Variants in ASCC2 observed in about 807,000 individuals in gnomAD.
ASCC2 encodes the protein activating signal cointegrator 1 complex subunit 2.
Under a neutral mutation model 93.5 loss-of-function variants are expected in ASCC2, and 42 were observed. That is an observed-to-expected ratio of 0.45 (90% CI 0.35 to 0.58). ASCC2 has a LOEUF of 0.58. Among genes scored for constraint, ASCC2 ranks in the 20% least tolerant of loss-of-function variants. The probability of loss-of-function intolerance (pLI) is 0.00; values close to 1 mark genes in which losing one functional copy is unlikely to be tolerated. For missense variants in ASCC2, 859 were observed against 977.6 expected (o/e 0.88, Z 1.62); for synonymous variants, 364 against 384.2 (o/e 0.95, Z 0.62).
In ASCC2 at chr22:29,793,374, CTCG is replaced by C. The variant is rs2058022164; in HGVS notation, c.1902_1904del (p.Asp634del). 1.9e-6 allele frequency: 3 copies of C among 1,613,706 alleles called. No individual in the cohort carries two copies. Among genetic ancestry groups the C allele is most frequent in the Non-Finnish European group, 2.5e-6 (3 of 1,180,026 alleles). On this transcript the variant is annotated inframe_deletion, in exon 17 of 20. Transcript: ENST00000307790. ...TATGGCCTCACCTGCGGCTGATGAGCTCGTCATCAGAGTCTGCATCATTGGCGC... is the reference window on the plus strand; with the variant it reads ...TATGGCCTCACCTGCGGCTGATGAGCTCATCAGAGTCTGCATCATTGGCGC...
At chr22:29,813,574 C>T (rs1490365006) in intron 7 of ASCC2, 32 bp from the exon 8 acceptor site, 7 of 1,394,372 alleles carry the variant, frequency 5.0e-6, no homozygotes, top group South Asian at 3.5e-5. Flanking sequence ...GCATTATTCT[C>T]CTCTGTCCAC....
intron 2 of ASCC2, among the ~76,000 whole-genome samples, chr22:29,828,368 AT>A (rs912779416): frequency 1.3e-5 from 2 of 152,016 alleles, no homozygotes; most frequent in African/African-American, 2.4e-5. Flanking sequence ...CACAGCCCCT[AT>A]TTTTTTAATC....
At chr22:29,826,570 C>G (rs2148267215) in intron 2 of ASCC2, among the ~76,000 whole-genome samples, 1 of 152,278 alleles carries the variant, frequency 6.6e-6, no homozygotes, top group South Asian at 2.1e-4. Context: ...CTTGGCCTCC[C>G]AAAGTGCTAG....
intron 13 of ASCC2, among the ~76,000 whole-genome samples, chr22:29,803,877 G>A (rs1043549530): frequency 6.6e-6 from 1 of 152,206 alleles, no homozygotes; most frequent in Non-Finnish European, 1.5e-5. Flanking sequence ...TTTGTTAATG[G>A]AGCACTGAAG....
chr22:29,829,743 G>A (rs1433874140), intron 2 of ASCC2, among the ~76,000 whole-genome samples: 4 of 151,968 alleles, frequency 2.6e-5, no homozygotes. Context: ...AGCTGGTCTT[G>A]AACTCCTGGG....
At chr22:29,790,892 C>T (rs1471295714) in intron 18 of ASCC2, among the ~76,000 whole-genome samples, 1 of 152,018 alleles carries the variant, frequency 6.6e-6, no homozygotes, top group Non-Finnish European at 1.5e-5. Flanking sequence ...TGTGCAGGGC[C>T]CTGAAGACTG....
chr22:29,795,879 C>T (rs1028824801), intron 15 of ASCC2, among the ~76,000 whole-genome samples: 1 of 151,942 alleles, frequency 6.6e-6, no homozygotes, highest in Non-Finnish European at 1.5e-5. Flanking sequence ...GAAAATCCAG[C>T]TTAGCTGTGA....
chr22:29,829,700 G>GAA (rs547260199), intron 2 of ASCC2, among the ~76,000 whole-genome samples: 1 of 145,348 alleles, frequency 6.9e-6, no homozygotes, highest in Admixed American at 6.9e-5. Context: ...CTCTGTCTGG[G>GAA]AAAAAAAAAA....
intron 5 of ASCC2, 93 bp downstream of exon 5, chr22:29,822,242 C>G: frequency 6.5e-7 from 1 of 1,541,494 alleles, no homozygotes; most frequent in Non-Finnish European, 8.9e-7. Context: ...GCCCTGAGTC[C>G]CTGGGCACTG....
Position 29,802,041 on chromosome 22 carries a change from C to G in ASCC2, c.1521G>C (p.Glu507Asp). Residue 507 changes from glutamate to aspartate, a missense_variant, in exon 14 of 20, where the codon GAG (glutamate) becomes GAC (aspartate). Transcript: ENST00000307790. ...GGCTGAGGGTGGGGGCCAGCCGCTC[C>G]TCCAGGATATTGTTGATCACCTGCT... ...DPEQVINNIL[E>D]ERLAPTLSQL... 1 of 1,612,880 alleles carries G rather than the reference C, an allele frequency of 6.2e-7. No individual in the cohort carries two copies.
At chr22:29,816,708 T>A (rs2060890878) in intron 5 of ASCC2, 1 of 152,016 alleles carries the variant, frequency 6.6e-6, no homozygotes. Flanking sequence ...ATTCTCCAAG[T>A]GCTGCCGCTG....
chr22:29,806,768 C>A, intron 10 of ASCC2, 29 bp downstream of exon 10: 1 of 1,570,012 alleles, frequency 6.4e-7, no homozygotes, highest in Non-Finnish European at 8.8e-7. Flanking sequence ...GGAGACTCTT[C>A]CACCAGGAGG....
intron 5 of ASCC2, among the ~76,000 whole-genome samples, chr22:29,819,342 A>T (rs567793125): frequency 9.9e-5 from 15 of 152,178 alleles, no homozygotes; most frequent in Admixed American, 2.6e-4. Context: ...TTGTATTTTT[A>T]GTAGAGATGG....
At chr22:29,828,478 A>T (rs2062728514) in intron 2 of ASCC2, among the ~76,000 whole-genome samples, 1 of 152,240 alleles carries the variant, frequency 6.6e-6, no homozygotes, top group Non-Finnish European at 1.5e-5. Flanking sequence ...GGGATTAAAG[A>T]GGCAACTGAG....
chr22:29,793,993 G>T (rs970382454), intron 15 of ASCC2, among the ~76,000 whole-genome samples: 2 of 151,560 alleles, frequency 1.3e-5, no homozygotes, highest in African/African-American at 4.8e-5. Flanking sequence ...CCATCTCCCA[G>T]GTTCAAGCGA....
intron 5 of ASCC2, among the ~76,000 whole-genome samples, chr22:29,817,521 G>A (rs1048688752): frequency 6.6e-6 from 1 of 152,102 alleles, no homozygotes; most frequent in African/African-American, 2.4e-5. Context: ...CCATAAGGCA[G>A]GTGTCACCTC....
chr22:29,825,103 G>T lies in ASCC2; in HGVS notation c.395C>A (p.Thr132Asn). The T allele has an allele frequency of 6.7e-7, 1 of 1,501,868 alleles. No homozygotes were observed. Among genetic ancestry groups the T allele is most frequent in the Non-Finnish European group, 8.9e-7 (1 of 1,122,610 alleles). The allele number at this position is 1,501,868 out of a possible 1,614,324, so 93.0% of individuals were successfully genotyped here. Reference protein sequence around the residue: ...SVFLTFLRMSTHKESKDHFIS... With the variant: ...SVFLTFLRMSNHKESKDHFIS... Reference sequence around the variant, plus strand: ...GTGGCTTACTTTGGATTCCTTGTGAGTGGACATGCGGAGGAAGGTGAGAAA... The same window carrying T: ...GTGGCTTACTTTGGATTCCTTGTGATTGGACATGCGGAGGAAGGTGAGAAA... Residue 132 changes from threonine to asparagine, a missense_variant, in exon 4 of 20, where the codon ACT becomes AAT. Transcript: ENST00000307790. The surrounding 1 kb of genome is among the most constrained non-coding windows in gnomAD (Gnocchi z 4.9).
rs544834655 is a variant in ASCC2 at position 29,808,505 on chromosome 22, T to C, written c.834-320A>G. 1.2e-3 allele frequency among the ~76,000 whole-genome samples: 186 copies of C among 152,306 alleles called. 1 individual carries two copies. The highest frequency in any genetic ancestry group is 4.3e-3 in the African/African-American group (177 of 41,566). On this transcript the variant is annotated intron_variant, in intron 8 of 19. Coordinates refer to ENST00000307790, the MANE Select transcript of ASCC2 (RefSeq NM_032204.5). ...TTTGAGAAGCAGATCCAAGATTACT[T>C]GCTTGTAATTTTCTTGCTCAAAAAC...
chr22:29,835,216 G>A (rs1470864465), intron 1 of ASCC2, among the ~76,000 whole-genome samples: 1 of 152,106 alleles, frequency 6.6e-6, no homozygotes, highest in Non-Finnish European at 1.5e-5. Context: ...AAGCAACATA[G>A]TGAGACCCCC....
Sources: gnomAD v4.1 joint callset for allele counts (sites outside exome capture counted in the v4.1 genomes callset) on GRCh38, gnomAD v4.1.1 for gene constraint, Gnocchi (gnomAD v3.1) non-coding constraint, MANE v1.5 for transcripts, NCBI Gene and HGNC (gene_info 2026-07-23, HGNC 2026-07-21) for gene names.